The following MARCHF10 variants were observed in gnomAD, a reference collection of about 807,000 sequenced individuals.
The protein encoded by MARCHF10 is probable E3 ubiquitin-protein ligase MARCHF10.
A neutral mutation model predicts 76.2 loss-of-function variants in MARCHF10; 64 were observed. That is an observed-to-expected ratio of 0.84 (90% CI 0.69 to 1.03). The LOEUF is 1.03. Ranked by LOEUF, MARCHF10 falls within the 50% of genes least tolerant of loss-of-function variation. MARCHF10 has a pLI of 0.00. For missense variants in MARCHF10, 875 were observed against 958.0 expected, an observed-to-expected ratio of 0.91 and a Z score of 1.14; for synonymous variants, 340 against 357.5, an observed-to-expected ratio of 0.95 and a Z score of 0.55.
chr17:62,777,713 CAA>C (rs386386400), intron 3 of MARCHF10, among the ~76,000 whole-genome samples: 3 of 59,656 alleles, frequency 5.0e-5, no homozygotes, highest in Admixed American at 4.6e-4. Context: ...GACTCCATCT[CAA>C]AAAAAAAAAA....
At chr17:62,709,786 G>A (rs2089813959) in intron 9 of MARCHF10, among the ~76,000 whole-genome samples, 2 of 151,928 alleles carry the variant, frequency 1.3e-5, no homozygotes, top group African/African-American at 4.8e-5. Flanking sequence ...GTCTCACTCT[G>A]TCACACAGGC....
chr17:62,718,047 T>C (rs527386823), intron 8 of MARCHF10, among the ~76,000 whole-genome samples: 2 of 152,270 alleles, frequency 1.3e-5, no homozygotes, highest in South Asian at 4.1e-4. Flanking sequence ...CAGTCGAGCG[T>C]CTCTGTGGCT....
At position 62,795,356 on chromosome 17, in the gene MARCHF10, C is replaced by CAA. The variant is rs61564298; in HGVS notation, c.90+6288_90+6289dup. Among the ~76,000 whole-genome samples, 95 of 52,942 alleles carry CAA rather than the reference C, an allele frequency of 1.8e-3. 4 individuals are homozygous for CAA. Among genetic ancestry groups the CAA allele is most frequent in the African/African-American group, 4.6e-3 (65 of 14,246 alleles). 34.7% of individuals were successfully genotyped at this position (52,942 alleles called of 152,430 possible). A position where few individuals can be genotyped will look rare whatever the true frequency, so the allele number is the denominator to read the frequency against. ...CCTCCAGTTACATAAATCATTTGAT[C>CAA]AAAAAAAAAAAAAAAAAAAAAAAAA... On this transcript the variant is annotated intron_variant, in intron 2 of 10. Transcript: ENST00000311269.
At chr17:62,807,655 C>G (rs567378526) in intron 1 of MARCHF10, among the ~76,000 whole-genome samples, 5 of 152,198 alleles carry the variant, frequency 3.3e-5, no homozygotes, top group Admixed American at 1.3e-4. Context: ...CAGCTACCAC[C>G]GGGAGGCTGA....
At chr17:62,773,634 A>G (rs2092489052) in intron 3 of MARCHF10, among the ~76,000 whole-genome samples, 1 of 152,216 alleles carries the variant, frequency 6.6e-6, no homozygotes, top group Non-Finnish European at 1.5e-5. Flanking sequence ...GATGAGACCC[A>G]GGCTCACGGG....
chr17:62,801,596 C>T, intron 2 of MARCHF10, 50 bp downstream of exon 2: 1 of 1,495,466 alleles, frequency 6.7e-7, no homozygotes. Flanking sequence ...TGAATTCTCT[C>T]TAAATACTGC....
chr17:62,802,455 G>A (rs142468734), intron 1 of MARCHF10, among the ~76,000 whole-genome samples: 2,440 of 152,148 alleles, frequency 0.016, 76 homozygotes, highest in African/African-American at 0.057. Context: ...CCTGACCTCA[G>A]GTGATTCACT....
At chr17:62,751,209 C>A (rs940407906) in intron 4 of MARCHF10, among the ~76,000 whole-genome samples, 2 of 152,160 alleles carry the variant, frequency 1.3e-5, no homozygotes, top group African/African-American at 4.8e-5. Flanking sequence ...AGAGCTACCC[C>A]CTCACGCCTG....
Position 62,701,534 on chromosome 17 carries a change from A to G in MARCHF10, c.*169T>C, listed in dbSNP as rs182085853. The stretch of plus-strand genomic sequence containing the variant: ...ACTAGACTGGTCGCTGTGGCTGCCC[A>G]TAGATGCTCAAGCCAGACCCCAAAA... On this transcript the variant is annotated 3_prime_UTR_variant, in exon 11 of 11. Transcript: ENST00000311269. The G allele has an allele frequency of 1.0e-5, 15 of 1,466,986 alleles. No individual in the cohort carries two copies. The African/African-American group carries it at 2.1e-4, about 20-fold the overall frequency. 90.9% of individuals were successfully genotyped at this position (1,466,986 alleles called of 1,614,324 possible). A position where few individuals can be genotyped will look rare whatever the true frequency, so the allele number is the denominator to read the frequency against.
intron 8 of MARCHF10, among the ~76,000 whole-genome samples, chr17:62,721,683 G>T (rs1599091764): frequency 6.6e-6 from 1 of 152,154 alleles, no homozygotes; most frequent in African/African-American, 2.4e-5. Flanking sequence ...TAGAAATGCA[G>T]TCCAAATACC....
intron 2 of MARCHF10, among the ~76,000 whole-genome samples, chr17:62,800,856 G>C (rs1032947022): frequency 3.9e-5 from 6 of 152,134 alleles, no homozygotes; most frequent in Admixed American, 3.9e-4. Flanking sequence ...TTTTGGTTTT[G>C]CACGTAAACA....
chr17:62,795,100 T>A (rs1721416009), intron 2 of MARCHF10: 1 of 979,530 alleles, frequency 1.0e-6, no homozygotes, highest in African/African-American at 1.7e-5. Context: ...TCCAGCTCCC[T>A]GAGTGGACAA....
intron 3 of MARCHF10, among the ~76,000 whole-genome samples, chr17:62,779,279 G>C (rs2092612481): frequency 6.6e-6 from 1 of 152,236 alleles, no homozygotes; most frequent in Non-Finnish European, 1.5e-5. Flanking sequence ...CCTAGGGCCA[G>C]AAAGAAGAGG....
chr17:62,767,269 TG>T lies in MARCHF10; in HGVS notation c.211-7264del, dbSNP rs1951912051. On this transcript the variant is annotated intron_variant, in intron 3 of 10. Transcript: ENST00000311269. ...GAGAAAACAAAACATCCTGCAAATT[TG>T]CCAGTCAAATAATCTCTTTGTGGTT... 5.5e-5 allele frequency among the ~76,000 whole-genome samples: 6 copies of T among 109,210 alleles called. No individual in the cohort carries two copies. In the Admixed American group the frequency reaches 5.9e-4, roughly 11 times the overall value. The allele number at this position is 109,210 out of a possible 152,430, so 71.6% of individuals were successfully genotyped here. A position where few individuals can be genotyped will look rare whatever the true frequency, so the allele number is the denominator to read the frequency against.
intron 2 of MARCHF10, among the ~76,000 whole-genome samples, chr17:62,799,803 G>C (rs1438094177): frequency 6.6e-6 from 1 of 151,778 alleles, no homozygotes; most frequent in African/African-American, 2.4e-5. Context: ...GTGAGACCCA[G>C]TGTGACACTT....
intron 10 of MARCHF10, among the ~76,000 whole-genome samples, chr17:62,703,071 C>A (rs2089344733): frequency 6.6e-6 from 1 of 152,330 alleles, no homozygotes; most frequent in South Asian, 2.1e-4. Context: ...GTGCTGGTTC[C>A]TGGGCACACC....
chr17:62,799,535 G>A (rs1374115509), intron 2 of MARCHF10, among the ~76,000 whole-genome samples: 1 of 152,156 alleles, frequency 6.6e-6, no homozygotes, highest in African/African-American at 2.4e-5. Context: ...ATCACCTGAG[G>A]TCGGGAGTTT....
intron 6 of MARCHF10, among the ~76,000 whole-genome samples, chr17:62,728,532 G>A (rs2090869868): frequency 2.6e-5 from 4 of 152,170 alleles, no homozygotes; most frequent in Admixed American, 2.6e-4. Flanking sequence ...ATGAATGAGA[G>A]GGGACAAGGA....
At chr17:62,765,397 T>C (rs956185227) in intron 3 of MARCHF10, among the ~76,000 whole-genome samples, 2 of 147,632 alleles carry the variant, frequency 1.4e-5, no homozygotes, top group Non-Finnish European at 3.0e-5. Flanking sequence ...TGGAGTCAGC[T>C]GGGCTGCCAG....
Sources: allele counts gnomAD v4.1 joint callset (sites outside exome capture counted in the v4.1 genomes callset), GRCh38; gene constraint gnomAD v4.1.1; transcripts MANE v1.5; gene names NCBI Gene and HGNC (gene_info 2026-07-23, HGNC 2026-07-21).